Variants in FAM83A observed in about 807,000 individuals in gnomAD.
FAM83A encodes the protein protein FAM83A.
FAM83A carries 21 observed loss-of-function variants against 24.4 expected under a neutral mutation model. The ratio of observed to expected loss-of-function variants is 0.86; its 90% CI spans 0.61 to 1.24. The LOEUF is 1.24. FAM83A is among the 50% of genes most tolerant of loss of function. The pLI is 0.00. For synonymous variants in FAM83A, 270 were observed against 252.4 expected (o/e 1.07, Z -0.66); for missense variants, 617 against 579.8 (o/e 1.06, Z -0.66).
chr8:123,200,962 A>ATATATATATATATATATATATAT (rs1376845493), intron 3 of FAM83A, among the ~76,000 whole-genome samples: 1 of 141,152 alleles, frequency 7.1e-6, no homozygotes, highest in African/African-American at 2.6e-5. Context: ...ATAAACAAAA[A>ATATATATATATATATATATATAT]AAAAAAATAT....
At chr8:123,194,210 G>A in intron 3 of FAM83A, 62 bp downstream of exon 3, 3 of 1,598,202 alleles carry the variant, frequency 1.9e-6, no homozygotes, top group Non-Finnish European at 2.6e-6. Context: ...GTGAGGTGCA[G>A]ACCAGCTCCC....
chr8:123,207,253 C>T (rs752992647), exon 4 of FAM83A: 8 of 1,612,956 alleles, frequency 5.0e-6, no homozygotes, highest in African/African-American at 1.3e-5. Context: ...GCCACCTCTA[C>T]GCCTCCTCCA....
chr8:123,184,419 G>A (rs1823723166), intron 1 of FAM83A, among the ~76,000 whole-genome samples: 1 of 152,104 alleles, frequency 6.6e-6, no homozygotes, highest in East Asian at 1.9e-4. Flanking sequence ...CCAGCCAGTG[G>A]CCAGGCAGAA....
At chr8:123,191,878 G>A (rs1466970482) in exon 2 of FAM83A, 13 of 1,614,170 alleles carry the variant, frequency 8.1e-6, no homozygotes, top group Non-Finnish European at 1.1e-5. Context: ...CAACAAGCGT[G>A]GGGTGTTCGT....
chr8:123,208,774 T>C, exon 4 of FAM83A: 2 of 978,366 alleles, frequency 2.0e-6, no homozygotes, highest in Non-Finnish European at 2.4e-6. Context: ...GGTGGTTGGA[T>C]TACCTGAGAT....
At chr8:123,188,839 A>G (rs1823887300) in intron 1 of FAM83A, among the ~76,000 whole-genome samples, 1 of 152,228 alleles carries the variant, frequency 6.6e-6, no homozygotes. Context: ...TACTGGCTTC[A>G]AATTAATCCA....
At chr8:123,186,305 T>A (rs1431084839) in intron 1 of FAM83A, among the ~76,000 whole-genome samples, 1 of 152,154 alleles carries the variant, frequency 6.6e-6, no homozygotes, top group African/African-American at 2.4e-5. Flanking sequence ...CCAGTTCCCA[T>A]AGACACAGCT....
intron 2 of FAM83A, among the ~76,000 whole-genome samples, chr8:123,192,655 T>C (rs13270162): frequency 0.18 from 27,539 of 152,088 alleles, 2,684 homozygotes; most frequent in Admixed American, 0.24. Flanking sequence ...TCTCCTCTAG[T>C]TCAGGCAAGA....
rs1429648028 is a variant in FAM83A, at chr8:123,195,493, T to C, written c.773+1345T>C. 3.9e-5 allele frequency among the ~76,000 whole-genome samples: 6 copies of C among 152,230 alleles called. 1 individual carries two copies. Among genetic ancestry groups the C allele is most frequent in the African/African-American group, 1.2e-4 (5 of 41,464 alleles). The stretch of plus-strand genomic sequence containing the variant: ...AGCTGAAATTCCACTTTTAATGATA[T>C]TAACATTGCTACCTCCAGTCTTCCT... On this transcript the variant is annotated intron_variant, in intron 3 of 3. Transcript: ENST00000690554.
rs556261632 is a variant in FAM83A, at chr8:123,209,985, G to A, written c.*2297G>A. ...TTGAAACCCTCCTCTGCCAGCCTGGGGTCCTAAGCGATGAGCAGAATCCCC... is the reference window on the plus strand; with the variant it reads ...TTGAAACCCTCCTCTGCCAGCCTGGAGTCCTAAGCGATGAGCAGAATCCCC... On this transcript the variant is annotated 3_prime_UTR_variant, in exon 4 of 4. Coordinates refer to ENST00000690554, the Ensembl canonical transcript of FAM83A. The surrounding 1 kb of genome is among the most constrained non-coding windows in gnomAD (Gnocchi z 4.7). 1.1e-5 allele frequency: 2 copies of A among 186,994 alleles called. No individual in the cohort carries two copies. Among genetic ancestry groups the A allele is most frequent in the South Asian group, 1.2e-4 (1 of 8,184 alleles). The allele number at this position is 186,994 out of a possible 1,614,324, so 11.6% of individuals were successfully genotyped here.
chr8:123,208,365 G>C, exon 4 of FAM83A: 2 of 985,682 alleles, frequency 2.0e-6, no homozygotes, highest in Non-Finnish European at 2.4e-6. Context: ...GTTGGACAAG[G>C]CAGGTTAGTA....
At chr8:123,194,479 C>T (rs890280028) in intron 3 of FAM83A, among the ~76,000 whole-genome samples, 1 of 151,006 alleles carries the variant, frequency 6.6e-6, no homozygotes, top group Non-Finnish European at 1.5e-5. Context: ...GTGTGCACAT[C>T]CCATTGCTTT....
In FAM83A at chr8:123,209,495, G is replaced by A; in HGVS notation, c.*1807G>A. 1.9e-6 allele frequency: 3 copies of A among 1,614,142 alleles called. No individual in the cohort carries two copies. Among genetic ancestry groups the A allele is most frequent in the Non-Finnish European group, 2.5e-6 (3 of 1,180,028 alleles). The stretch of plus-strand genomic sequence containing the variant: ...ACACTTTGGTTCCTGATGGCTTTCT[G>A]AACCCAGCCCTGACCTTGTTGTTTC... On this transcript the variant is annotated 3_prime_UTR_variant, in exon 4 of 4. Coordinates refer to ENST00000690554, the Ensembl canonical transcript of FAM83A. The surrounding 1 kb of genome is among the most constrained non-coding windows in gnomAD (Gnocchi z 4.7).
intron 3 of FAM83A, chr8:123,200,082 G>A (rs1824298457): frequency 6.6e-6 from 1 of 152,426 alleles, no homozygotes; most frequent in African/African-American, 2.4e-5. Context: ...ACTTCCCTAC[G>A]AAAGTAGAAG....
chr8:123,182,615 G>T, upstream of FAM83A: 1 of 703,674 alleles, frequency 1.4e-6, no homozygotes. Context: ...CCCGGCCCGA[G>T]GGCAGGGCAG....
rs149530031 is a variant in FAM83A, at chr8:123,187,293, C to T, written c.480+3957C>T. On this transcript the variant is annotated intron_variant, in intron 1 of 3. Coordinates refer to ENST00000690554, the Ensembl canonical transcript of FAM83A. ...TTCCCAAAGCATGGTGTGGGGGATC[C>T]CTGAGGTCCCTGGGGCCCTTTCAGC... 4.0e-3 allele frequency among the ~76,000 whole-genome samples: 613 copies of T among 152,202 alleles called. 2 individuals carry two copies. The highest frequency in any genetic ancestry group is 0.01 in the Middle Eastern group (3 of 294).
rs947915080 is a variant in FAM83A at position 123,194,007 on chromosome 8, G to C, written c.649-17G>C. 1 of 1,613,822 alleles carries C rather than the reference G, an allele frequency of 6.2e-7. No individual in the cohort carries two copies. The highest frequency in any genetic ancestry group is 1.3e-5 in the African/African-American group (1 of 74,934). On this transcript the variant is annotated splice_polypyrimidine_tract_variant and intron_variant, in intron 2 of 3. Transcript: ENST00000690554. ...AAACAGAATTAGGAAGTGACACCTT[G>C]ACTTTCCCTCCAACAGAACATTTCC...
intron 3 of FAM83A, among the ~76,000 whole-genome samples, chr8:123,200,968 A>AATATAT (rs71310663): frequency 1.4e-5 from 2 of 138,982 alleles, no homozygotes; most frequent in African/African-American, 5.4e-5. Context: ...AAAAAAAAAA[A>AATATAT]ATATATATAT....
At chr8:123,206,362 G>A (rs1354292135) in intron 3 of FAM83A, among the ~76,000 whole-genome samples, 2 of 152,018 alleles carry the variant, frequency 1.3e-5, no homozygotes, top group African/African-American at 4.8e-5. Flanking sequence ...ACTCATCCCT[G>A]CTGGGTCCCT....
Sources: gnomAD v4.1 joint callset for allele counts (sites outside exome capture counted in the v4.1 genomes callset) on GRCh38, gnomAD v4.1.1 for gene constraint, Gnocchi (gnomAD v3.1) non-coding constraint, MANE v1.5 for transcripts, NCBI Gene and HGNC (gene_info 2026-07-23, HGNC 2026-07-21) for gene names.